RPS6KC1: variants seen among roughly 807,000 people sequenced by gnomAD.
The protein encoded by RPS6KC1 is inactive ribosomal protein S6 kinase delta-1.
A neutral mutation model predicts 103.8 loss-of-function variants in RPS6KC1; 54 were observed. The ratio of observed to expected loss-of-function variants is 0.52; its 90% confidence interval spans 0.42 to 0.65. RPS6KC1 has a LOEUF of 0.65. Ranked by LOEUF, RPS6KC1 falls within the 30% of genes least tolerant of loss-of-function variation. The pLI is 0.00. For missense variants in RPS6KC1, 1,151 were observed against 1,253.8 expected (o/e 0.92, Z 1.24); for synonymous variants, 439 against 438.7 (o/e 1.00, Z -0.01).
the RPS6KC1 span, among the ~76,000 whole-genome samples, chr1:213,445,971 T>C: frequency 9.2e-5 from 14 of 152,148 alleles, no homozygotes; most frequent in Admixed American, 9.2e-4. Context: ...CCACCCTTGG[T>C]GGGCACAGGG....
chr1:213,391,162 A>G, the RPS6KC1 span, among the ~76,000 whole-genome samples: 2 of 152,188 alleles, frequency 1.3e-5, no homozygotes, highest in Non-Finnish European at 2.9e-5. Flanking sequence ...AGGGAAACAG[A>G]GAAAGGCAGA....
chr1:213,700,218 G>A, the RPS6KC1 span, among the ~76,000 whole-genome samples: 1 of 151,512 alleles, frequency 6.6e-6, no homozygotes, highest in Non-Finnish European at 1.5e-5. Flanking sequence ...TTTTTATTTG[G>A]TGTTTGTATA....
chr1:213,574,558 G>GA, the RPS6KC1 span, among the ~76,000 whole-genome samples: 2 of 152,070 alleles, frequency 1.3e-5, no homozygotes, highest in Non-Finnish European at 2.9e-5. Context: ...TAATAAGGAA[G>GA]AAAAAACAAC....
At chr1:213,097,219 T>C (rs2081545799) in intron 3 of RPS6KC1, among the ~76,000 whole-genome samples, 1 of 152,050 alleles carries the variant, frequency 6.6e-6, no homozygotes, top group Admixed American at 6.5e-5. Flanking sequence ...CCAGGCATGG[T>C]AGTGTGTACC....
the RPS6KC1 span, among the ~76,000 whole-genome samples, chr1:213,459,582 A>G: frequency 1.3e-5 from 2 of 151,580 alleles, no homozygotes; most frequent in East Asian, 1.9e-4. Context: ...TTCTGTCTCT[A>G]TCTCCTTCAG....
rs181384506 is a variant in RPS6KC1 at position 213,183,151 on chromosome 1, A to G, written c.1044+6659A>G. Reference sequence around the variant, plus strand: ...GCAATCCTACAAATGTATATACCAGACATCAGAACTGTAAAATATATGAAG... The same window carrying G: ...GCAATCCTACAAATGTATATACCAGGCATCAGAACTGTAAAATATATGAAG... On this transcript the variant is annotated intron_variant, in intron 8 of 14. Transcript: ENST00000366960. Among the ~76,000 whole-genome samples, 757 of 152,264 alleles carry G rather than the reference A, an allele frequency of 5.0e-3. 5 individuals are homozygous for G. The highest frequency in any genetic ancestry group is 8.0e-3 in the Non-Finnish European group (543 of 68,010).
At chr1:213,601,051 A>G in the RPS6KC1 span, among the ~76,000 whole-genome samples, 1 of 152,276 alleles carries the variant, frequency 6.6e-6, no homozygotes, top group East Asian at 1.9e-4. Context: ...GAACAAATAA[A>G]TGATCCTCAT....
the RPS6KC1 span, among the ~76,000 whole-genome samples, chr1:213,643,632 C>T: frequency 6.6e-6 from 1 of 151,704 alleles, no homozygotes; most frequent in Non-Finnish European, 1.5e-5. Context: ...CCCTCAACCC[C>T]CTTTTCTTAT....
At chr1:213,548,113 C>T in the RPS6KC1 span, among the ~76,000 whole-genome samples, 1 of 152,176 alleles carries the variant, frequency 6.6e-6, no homozygotes, top group African/African-American at 2.4e-5. Context: ...AAATAGAATG[C>T]ATAAACATAT....
chr1:213,709,449 TATTAG>T, the RPS6KC1 span, among the ~76,000 whole-genome samples: 1 of 152,202 alleles, frequency 6.6e-6, no homozygotes, highest in African/African-American at 2.4e-5. Context: ...TTTTCTTCTT[TATTAG>T]ACTGGCTAGT....
At chr1:213,525,302 G>A in the RPS6KC1 span, among the ~76,000 whole-genome samples, 1 of 152,110 alleles carries the variant, frequency 6.6e-6, no homozygotes, top group Admixed American at 6.5e-5. Context: ...GAGAAAGAGA[G>A]GAATTAAGGG....
At chr1:213,260,501 C>T (rs2094760443) in intron 12 of RPS6KC1, among the ~76,000 whole-genome samples, 2 of 152,114 alleles carry the variant, frequency 1.3e-5, no homozygotes, top group Admixed American at 1.3e-4. Context: ...TGGGGTTCTC[C>T]CACACAAGTA....
At chr1:213,672,508 T>A in the RPS6KC1 span, among the ~76,000 whole-genome samples, 1 of 152,200 alleles carries the variant, frequency 6.6e-6, no homozygotes, top group Non-Finnish European at 1.5e-5. Context: ...CTACTTCAGA[T>A]GTTAGATTAT....
intron 1 of RPS6KC1, among the ~76,000 whole-genome samples, chr1:213,060,250 G>C (rs2077711943): frequency 6.6e-6 from 1 of 152,200 alleles, no homozygotes; most frequent in Non-Finnish European, 1.5e-5. Flanking sequence ...TCCTTAACCT[G>C]TTAGGATTAT....
the RPS6KC1 span, among the ~76,000 whole-genome samples, chr1:213,514,500 A>G: frequency 4.6e-5 from 7 of 150,648 alleles, no homozygotes; most frequent in African/African-American, 1.5e-4. Context: ...TGTCCTTGCC[A>G]TAGTTTGCTG....
chr1:213,636,849 A>T, the RPS6KC1 span, among the ~76,000 whole-genome samples: 190 of 152,148 alleles, frequency 1.2e-3, 3 homozygotes, highest in East Asian at 0.035. Flanking sequence ...TGGGAGAAAA[A>T]TTTTTGCAAT....
At chr1:213,754,310 G>T in the RPS6KC1 span, among the ~76,000 whole-genome samples, 1 of 152,194 alleles carries the variant, frequency 6.6e-6, no homozygotes, top group Admixed American at 6.5e-5. Context: ...CCACTAATCC[G>T]TTAAGGAGGG....
At chr1:213,218,187 A>T (rs1254706451) in intron 8 of RPS6KC1, among the ~76,000 whole-genome samples, 1 of 152,206 alleles carries the variant, frequency 6.6e-6, no homozygotes, top group African/African-American at 2.4e-5. Flanking sequence ...CTCAGGATAC[A>T]AAATCAATGT....
the RPS6KC1 span, among the ~76,000 whole-genome samples, chr1:213,302,473 G>A: frequency 6.6e-6 from 1 of 152,080 alleles, no homozygotes; most frequent in Non-Finnish European, 1.5e-5. Flanking sequence ...ACCAGCCTGG[G>A]CAACATAGTG....
Sources: gnomAD v4.1 joint callset for allele counts (sites outside exome capture counted in the v4.1 genomes callset) on GRCh38, gnomAD v4.1.1 for gene constraint, MANE v1.5 for transcripts, NCBI Gene and HGNC (gene_info 2026-07-23, HGNC 2026-07-21) for gene names.